Variants in LIPA observed in about 807,000 individuals in gnomAD.
LIPA encodes the protein lysosomal acid lipase/cholesteryl ester hydrolase.
LIPA carries 26 observed loss-of-function variants against 40.6 expected under a neutral mutation model. The observed-to-expected ratio is 0.64, with a 90% CI of 0.47 to 0.89. The LOEUF (loss-of-function observed/expected upper bound fraction) is 0.89, where lower values mean the gene tolerates loss of function less well. Ranked by LOEUF, LIPA falls within the 40% of genes least tolerant of loss-of-function variation. The probability of loss-of-function intolerance (pLI) is 0.00; values close to 1 mark genes in which losing one functional copy is unlikely to be tolerated. For synonymous variants in LIPA, 188 were observed against 168.4 expected (o/e 1.12, Z -0.90); for missense variants, 455 against 479.6 (o/e 0.95, Z 0.48).
At chr10:89,220,565 C>T (rs191761991) in intron 8 of LIPA, among the ~76,000 whole-genome samples, 10 of 152,316 alleles carry the variant, frequency 6.6e-5, no homozygotes. Context: ...AAGTGGTAAG[C>T]ATGTGCTGTT....
intron 1 of LIPA, among the ~76,000 whole-genome samples, chr10:89,316,240 AC>A (rs1393634875): frequency 6.6e-6 from 1 of 152,198 alleles, no homozygotes; most frequent in Non-Finnish European, 1.5e-5. Context: ...GGTGCAGCCC[AC>A]ACAGTGTGGG....
chr10:89,225,624 A>C (rs1490935451), intron 5 of LIPA, among the ~76,000 whole-genome samples: 1 of 152,196 alleles, frequency 6.6e-6, no homozygotes, highest in Non-Finnish European at 1.5e-5. Context: ...CACCACGTTG[A>C]AATAAACCAC....
upstream of LIPA, among the ~76,000 whole-genome samples, chr10:89,344,740 A>T (rs1282386599): frequency 2.6e-5 from 4 of 152,256 alleles, no homozygotes; most frequent in African/African-American, 7.2e-5. Context: ...CATAGTTCTC[A>T]AAGAATTTCC....
At chr10:89,392,540 C>CA (rs1284954101) in intron 2 of LIPA, 1 of 324,684 alleles carries the variant, frequency 3.1e-6, no homozygotes, top group Admixed American at 5.1e-5. Flanking sequence ...CCTAGGTTTC[C>CA]AACTTGCAAG....
chr10:89,326,699 T>C (rs980229749), intron 1 of LIPA, among the ~76,000 whole-genome samples: 2 of 152,218 alleles, frequency 1.3e-5, no homozygotes, highest in African/African-American at 4.8e-5. Context: ...TAAATATATA[T>C]ATCTACTATG....
rs200060906 is a variant in LIPA at position 89,394,577 on chromosome 10, A to AATATATAT, written c.61+18206_61+18213dup. Among the ~76,000 whole-genome samples the AATATATAT allele has an allele frequency of 2.0e-3, 222 of 108,594 alleles. 3 individuals are homozygous for AATATATAT. The highest frequency in any genetic ancestry group is 5.5e-3 in the Middle Eastern group (1 of 182). 71.2% of individuals were successfully genotyped at this position (108,594 alleles called of 152,430 possible). A position where few individuals can be genotyped will look rare whatever the true frequency, so the allele number is the denominator to read the frequency against. On this transcript the variant is annotated intron_variant, in intron 2 of 8. Coordinates refer to the LIPA transcript ENST00000371837. ...TTTATGTCAATATGTACTACAGGAA[A>AATATATAT]ATATATATATATATATATATATATA...
At chr10:89,402,221 T>C in intron 2 of LIPA, 1 of 1,095,934 alleles carries the variant, frequency 9.1e-7, no homozygotes, top group Non-Finnish European at 1.3e-6. Context: ...GTATTTTATC[T>C]GACTTTTTTC....
At position 89,403,448 on chromosome 10, in the gene LIPA, A is replaced by G. The variant is rs567346992; in HGVS notation, c.61+9343T>C. 5 of 1,613,882 alleles carry G rather than the reference A, an allele frequency of 3.1e-6. No homozygotes were observed. The African/African-American group carries it at 4.0e-5, about 13-fold the overall frequency. On this transcript the variant is annotated intron_variant, in intron 2 of 8. Coordinates refer to the LIPA transcript ENST00000371837. ...ACTATGGTCGGTTTCAGGAATTTCAAAAGAAATCTGACGTCAATGCAATTA... is the reference window on the plus strand; with the variant it reads ...ACTATGGTCGGTTTCAGGAATTTCAGAAGAAATCTGACGTCAATGCAATTA...
chr10:89,372,356 C>A (rs1442246164), intron 2 of LIPA, among the ~76,000 whole-genome samples: 2 of 152,172 alleles, frequency 1.3e-5, no homozygotes, highest in Non-Finnish European at 2.9e-5. Flanking sequence ...GTGGGGGAGA[C>A]AACAGGATTA....
At chr10:89,247,379 CAAAAAAAAAAAAAAAAA>C (rs71022556) in intron 2 of LIPA, among the ~76,000 whole-genome samples, 142 bp downstream of exon 2, 6 of 75,450 alleles carry the variant, frequency 8.0e-5, no homozygotes, top group African/African-American at 2.8e-4. Context: ...GACTCTGCCT[CAAAAAAAAAAAAAAAAA>C]AAAAAAAAAA....
rs1039019498 is a variant in LIPA, at chr10:89,245,905, T to C, written c.112-112A>G. ...GTTCTCCAGGCTTTAAGAAAGCATT[T>C]GTCATTGAAATTTTAGTCTGCTAAA... On this transcript the variant is annotated intron_variant, in intron 2 of 9. Coordinates refer to ENST00000336233, the MANE Select transcript of LIPA (RefSeq NM_000235.4). 3.8e-5 allele frequency: 29 copies of C among 757,654 alleles called. No homozygotes were observed. In the Admixed American group the frequency reaches 4.8e-4, roughly 13 times the overall value. The allele number at this position is 757,654 out of a possible 1,614,324, so 46.9% of individuals were successfully genotyped here. A position where few individuals can be genotyped will look rare whatever the true frequency, so the allele number is the denominator to read the frequency against.
intron 2 of LIPA, chr10:89,403,214 G>C: frequency 6.2e-7 from 1 of 1,614,134 alleles, no homozygotes; most frequent in Admixed American, 1.7e-5. Flanking sequence ...CTAGAGGGCA[G>C]AACAGAGAAA....
intron 2 of LIPA, among the ~76,000 whole-genome samples, chr10:89,408,575 G>C (rs1217329014): frequency 6.6e-6 from 1 of 152,162 alleles, no homozygotes; most frequent in Non-Finnish European, 1.5e-5. Flanking sequence ...TCAAGCTGTA[G>C]GGGGAGGGGA....
At chr10:89,328,265 GCTT>G (rs1238103640) in intron 1 of LIPA, among the ~76,000 whole-genome samples, 3 of 152,146 alleles carry the variant, frequency 2.0e-5, no homozygotes, top group Non-Finnish European at 4.4e-5. Flanking sequence ...GTACACACAG[GCTT>G]CTTAAGTTTC....
At chr10:89,226,698 T>C (rs1380576484) in intron 5 of LIPA, among the ~76,000 whole-genome samples, 197 bp downstream of exon 5, 1 of 152,238 alleles carries the variant, frequency 6.6e-6, no homozygotes, top group Admixed American at 6.5e-5. Flanking sequence ...ATTAATTTCT[T>C]CAATTTCAAC....
intron 2 of LIPA, among the ~76,000 whole-genome samples, chr10:89,246,557 G>A (rs928415): frequency 0.13 from 20,021 of 152,144 alleles, 1,622 homozygotes; most frequent in African/African-American, 0.22. Context: ...CTGTTATCAG[G>A]TCATACTCTC....
At chr10:89,281,644 T>C (rs775365069) in intron 1 of LIPA, among the ~76,000 whole-genome samples, 11 of 152,246 alleles carry the variant, frequency 7.2e-5, no homozygotes, top group Non-Finnish European at 2.9e-5. Context: ...CAAGCACTGA[T>C]ATTCCAGAAA....
chr10:89,243,685 GGAGCATATCAA>G (rs779981171), intron 3 of LIPA, among the ~76,000 whole-genome samples: 2 of 151,976 alleles, frequency 1.3e-5, no homozygotes, highest in African/African-American at 2.4e-5. Context: ...CTATTACCTG[GGAGCATATCAA>G]GACTCATGCT....
chr10:89,227,600 G>A (rs188718592), intron 4 of LIPA, among the ~76,000 whole-genome samples: 35 of 152,320 alleles, frequency 2.3e-4, no homozygotes, highest in Middle Eastern at 3.4e-3. Flanking sequence ...CCAAGTGTGC[G>A]TATGGGTATA....
Sources: allele counts gnomAD v4.1 joint callset (sites outside exome capture counted in the v4.1 genomes callset), GRCh38; gene constraint gnomAD v4.1.1; transcripts MANE v1.5; gene names NCBI Gene and HGNC (gene_info 2026-07-23, HGNC 2026-07-21).